The following MYT1L variants were observed in gnomAD, a reference collection of about 807,000 sequenced individuals.
MYT1L encodes the protein myelin transcription factor 1 like.
A neutral mutation model predicts 126.7 loss-of-function variants in MYT1L; 12 were observed. The observed-to-expected ratio is 0.09, with a 90% CI of 0.06 to 0.15. The LOEUF (loss-of-function observed/expected upper bound fraction) is 0.15. Among genes scored for constraint, MYT1L ranks in the 10% least tolerant of loss-of-function variants. MYT1L has a pLI of 1.00. For synonymous variants in MYT1L, 541 were observed against 604.2 expected, an observed-to-expected ratio of 0.90 and a Z score of 1.53; for missense variants, 979 against 1,585.2, an observed-to-expected ratio of 0.62 and a Z score of 6.49.
chr2:1,805,913 A>G lies in MYT1L; in HGVS notation c.3172+3163T>C, dbSNP rs564412186. Among the ~76,000 whole-genome samples the G allele has an allele frequency of 1.6e-4, 25 of 152,252 alleles. 1 individual carries two copies. In the South Asian group the frequency reaches 5.0e-3, roughly 30 times the overall value. On this transcript the variant is annotated intron_variant, in intron 22 of 24. Coordinates refer to ENST00000647738, the MANE Select transcript of MYT1L (RefSeq NM_001303052.2). Reference sequence around the variant, plus strand: ...AAAAGAGAGGGATTGTCTTTTCCACATCTACAGCAAGGGCAACAGGAACAC... The same window carrying G: ...AAAAGAGAGGGATTGTCTTTTCCACGTCTACAGCAAGGGCAACAGGAACAC...
chr2:1,893,133 A>G (rs1008748425), intron 14 of MYT1L, among the ~76,000 whole-genome samples: 3 of 151,996 alleles, frequency 2.0e-5, no homozygotes, highest in African/African-American at 7.3e-5. Flanking sequence ...GAGCCACCAC[A>G]CTCACTAACA....
chr2:1,830,349 G>A (rs377160395), intron 21 of MYT1L, among the ~76,000 whole-genome samples: 1 of 152,332 alleles, frequency 6.6e-6, no homozygotes, highest in African/African-American at 2.4e-5. Flanking sequence ...AGGCTGCTGT[G>A]AGGATTAAGA....
chr2:2,112,115 T>C (rs539827893), intron 3 of MYT1L, among the ~76,000 whole-genome samples: 1 of 152,354 alleles, frequency 6.6e-6, no homozygotes, highest in Admixed American at 6.5e-5. Flanking sequence ...GTTTGCCCTG[T>C]CTGGGACCTT....
At chr2:2,200,499 G>A (rs1028032199) in intron 2 of MYT1L, among the ~76,000 whole-genome samples, 12 of 152,192 alleles carry the variant, frequency 7.9e-5, no homozygotes, top group Non-Finnish European at 1.2e-4. Flanking sequence ...CACGACTGCT[G>A]TGATGCCCTT....
At chr2:2,025,360 C>T (rs1230499156) in intron 4 of MYT1L, among the ~76,000 whole-genome samples, 1 of 152,124 alleles carries the variant, frequency 6.6e-6, no homozygotes, top group Non-Finnish European at 1.5e-5. Flanking sequence ...CTGTGATTCC[C>T]GTTTATCAGT....
At chr2:2,021,650 C>T (rs1254976166) in intron 4 of MYT1L, among the ~76,000 whole-genome samples, 2 of 152,226 alleles carry the variant, frequency 1.3e-5, no homozygotes, top group Admixed American at 1.3e-4. Flanking sequence ...AAAATCCCTG[C>T]ACTTTGCGAG....
chr2:2,207,037 A>G (rs1412734543), intron 2 of MYT1L, among the ~76,000 whole-genome samples: 1 of 152,224 alleles, frequency 6.6e-6, no homozygotes, highest in African/African-American at 2.4e-5. Flanking sequence ...TTCAGTGTTA[A>G]TGAATCAACA....
chr2:2,128,308 G>A (rs917581254), intron 3 of MYT1L, among the ~76,000 whole-genome samples: 1 of 152,014 alleles, frequency 6.6e-6, no homozygotes, highest in African/African-American at 2.4e-5. Flanking sequence ...CACCACGCCT[G>A]GCTAATTTTT....
In MYT1L at chr2:1,887,360, G is replaced by A. The variant is rs1406103081; in HGVS notation, c.2642+128C>T. 1 of 1,269,570 alleles carries A rather than the reference G, an allele frequency of 7.9e-7. No individual in the cohort carries two copies. The highest frequency in any genetic ancestry group is 1.1e-6 in the Non-Finnish European group (1 of 897,930). 78.6% of individuals were successfully genotyped at this position (1,269,570 alleles called of 1,614,324 possible). A position where few individuals can be genotyped will look rare whatever the true frequency, so the allele number is the denominator to read the frequency against. On this transcript the variant is annotated intron_variant, in intron 17 of 24. Transcript: ENST00000647738. This position sits in a 1 kb window ranked among gnomAD's most constrained non-coding sequence, Gnocchi z 4.8. Reference sequence around the variant, plus strand: ...TGCTCACTCTACTGACCCAGCAGTCGGAAACATTTATATGCTGCGAATGTC... The same window carrying A: ...TGCTCACTCTACTGACCCAGCAGTCAGAAACATTTATATGCTGCGAATGTC...
intron 2 of MYT1L, among the ~76,000 whole-genome samples, chr2:2,200,643 C>T (rs1284369191): frequency 1.3e-5 from 2 of 152,208 alleles, no homozygotes. Flanking sequence ...TGGGTGACAG[C>T]ACTCTGCCTA....
At chr2:2,230,900 C>T (rs1308307813) in intron 2 of MYT1L, among the ~76,000 whole-genome samples, 1 of 151,706 alleles carries the variant, frequency 6.6e-6, no homozygotes, top group Non-Finnish European at 1.5e-5. Flanking sequence ...ATGAGGTGCC[C>T]TGAGCCTGGA....
At chr2:2,308,466 G>T (rs1453506770) in intron 1 of MYT1L, among the ~76,000 whole-genome samples, 3 of 145,792 alleles carry the variant, frequency 2.1e-5, no homozygotes, top group African/African-American at 5.1e-5. Flanking sequence ...TGCTTTAGTT[G>T]ATATACTCTA....
At chr2:1,797,498 G>A (rs1448850504) in intron 23 of MYT1L, among the ~76,000 whole-genome samples, 1 of 152,176 alleles carries the variant, frequency 6.6e-6, no homozygotes, top group Non-Finnish European at 1.5e-5. Context: ...GGGATTACAG[G>A]CGTGAGCCAC....
At chr2:2,214,272 T>TCTAC (rs1193228623) in intron 2 of MYT1L, among the ~76,000 whole-genome samples, 2 of 151,162 alleles carry the variant, frequency 1.3e-5, no homozygotes, top group East Asian at 3.9e-4. Context: ...TATCTATCTA[T>TCTAC]CTATCTATCT....
intron 2 of MYT1L, among the ~76,000 whole-genome samples, chr2:2,234,950 C>T (rs181712825): frequency 1.4e-4 from 21 of 152,338 alleles, no homozygotes; most frequent in Non-Finnish European, 2.4e-4. Context: ...CCTTGGCCTG[C>T]GGTCCTTTCC....
rs181430120 is a variant in MYT1L at position 1,973,247 on chromosome 2, G to A, written c.152+5918C>T. Among the ~76,000 whole-genome samples, 221 of 152,220 alleles carry A rather than the reference G, an allele frequency of 1.5e-3. 2 individuals carry two copies. The highest frequency in any genetic ancestry group is 5.2e-3 in the African/African-American group (215 of 41,530). On this transcript the variant is annotated intron_variant, in intron 8 of 24. Transcript: ENST00000647738. Reference sequence around the variant, plus strand: ...CATGTGTATCACTGTTGCAAGGAAGGTTAAAATTCAAATTTCTGTAATCAG... The same window carrying A: ...CATGTGTATCACTGTTGCAAGGAAGATTAAAATTCAAATTTCTGTAATCAG...
At chr2:2,154,443 T>C (rs553666817) in intron 3 of MYT1L, among the ~76,000 whole-genome samples, 4 of 152,312 alleles carry the variant, frequency 2.6e-5, no homozygotes, top group South Asian at 2.1e-4. Context: ...TGCCTATCAA[T>C]AGTAGACTGG....
intron 3 of MYT1L, among the ~76,000 whole-genome samples, chr2:2,068,728 CT>C (rs201270937): frequency 0.19 from 12,976 of 66,900 alleles, 700 homozygotes; most frequent in East Asian, 0.41. Flanking sequence ...GTAATACTGG[CT>C]TTTTTTTTTT....
chr2:2,161,489 G>A (rs2087921395), intron 3 of MYT1L, among the ~76,000 whole-genome samples: 1 of 152,252 alleles, frequency 6.6e-6, no homozygotes, highest in Non-Finnish European at 1.5e-5. Context: ...CACTCTGGGA[G>A]CCTGAAGATG....
Sources: allele counts gnomAD v4.1 joint callset (sites outside exome capture counted in the v4.1 genomes callset), GRCh38; gene constraint gnomAD v4.1.1; non-coding constraint Gnocchi (gnomAD v3.1); transcripts MANE v1.5; gene names NCBI Gene and HGNC (gene_info 2026-07-23, HGNC 2026-07-21).